Variants in RNF38 observed in about 807,000 individuals in gnomAD.
RNF38 encodes the protein E3 ubiquitin-protein ligase RNF38.
In RNF38, 15 loss-of-function variants were observed where a neutral mutation model predicts 67.2. That is an observed-to-expected ratio of 0.22 (90% confidence interval 0.15 to 0.34). RNF38 has a LOEUF of 0.34. Ranked by LOEUF, RNF38 falls within the 10% of genes least tolerant of loss-of-function variation. RNF38 has a pLI of 1.00. For synonymous variants in RNF38, 220 were observed against 218.8 expected, an observed-to-expected ratio of 1.01 and a Z score of -0.05; for missense variants, 524 against 639.9, an observed-to-expected ratio of 0.82 and a Z score of 1.95.
At chr9:36,373,162 G>A (rs547556006) in intron 3 of RNF38, among the ~76,000 whole-genome samples, 37 of 152,188 alleles carry the variant, frequency 2.4e-4, no homozygotes, top group Admixed American at 3.3e-4. Flanking sequence ...AGCCGAGATC[G>A]CACCATTGCA....
At chr9:36,397,604 T>C (rs1837638644) in intron 1 of RNF38, among the ~76,000 whole-genome samples, 1 of 151,988 alleles carries the variant, frequency 6.6e-6, no homozygotes, top group African/African-American at 2.4e-5. Flanking sequence ...AAATAGGGTG[T>C]GTGAAAACAG....
intron 2 of RNF38, among the ~76,000 whole-genome samples, chr9:36,415,972 C>G (rs956564154): frequency 6.6e-6 from 1 of 151,852 alleles, no homozygotes; most frequent in Non-Finnish European, 1.5e-5. Flanking sequence ...AATACAACAT[C>G]GACTGCAGTA....
At chr9:36,353,387 T>TTAGATAGA (rs2133510815) in intron 6 of RNF38, 56 bp from the exon 7 acceptor site, 1 of 1,209,918 alleles carries the variant, frequency 8.3e-7, no homozygotes, top group Admixed American at 3.2e-5. Flanking sequence ...CTTCCTGTGT[T>TTAGATAGA]TAGATAGATT....
intron 2 of RNF38, among the ~76,000 whole-genome samples, chr9:36,421,454 A>G (rs768969764): frequency 1.1e-4 from 16 of 152,012 alleles, no homozygotes; most frequent in Non-Finnish European, 1.0e-4. Flanking sequence ...ACTTGAGGTC[A>G]GGAGTTTGAG....
chr9:36,385,145 T>A (rs10758373), intron 2 of RNF38, among the ~76,000 whole-genome samples: 81,451 of 150,320 alleles, frequency 0.54, 22,899 homozygotes, highest in Non-Finnish European at 0.65. Context: ...ACCGAAAATT[T>A]AAAAAAAAAA....
chr9:36,368,402 C>T (rs1456839099), intron 4 of RNF38, among the ~76,000 whole-genome samples: 1 of 152,156 alleles, frequency 6.6e-6, no homozygotes, highest in Non-Finnish European at 1.5e-5. Context: ...CACTTTAGCA[C>T]TTACCCTACA....
At chr9:36,419,926 G>T (rs1484511494) in intron 2 of RNF38, among the ~76,000 whole-genome samples, 1 of 152,154 alleles carries the variant, frequency 6.6e-6, no homozygotes, top group Non-Finnish European at 1.5e-5. Flanking sequence ...CAGAATAAAG[G>T]CCTGGGGGCA....
intron 1 of RNF38, among the ~76,000 whole-genome samples, chr9:36,399,196 C>T (rs569025975): frequency 5.8e-4 from 88 of 152,184 alleles, no homozygotes; most frequent in African/African-American, 2.0e-3. Context: ...ACAAGATGGG[C>T]ATATAAAGCC....
At chr9:36,477,167 C>T (rs1840139720) in intron 1 of RNF38, among the ~76,000 whole-genome samples, 1 of 150,844 alleles carries the variant, frequency 6.6e-6, no homozygotes, top group African/African-American at 2.4e-5. Flanking sequence ...ACTAAAAATA[C>T]AAAAAAATTA....
chr9:36,341,212 C>T (rs140153439), intron 11 of RNF38, among the ~76,000 whole-genome samples: 2 of 152,278 alleles, frequency 1.3e-5, no homozygotes, highest in African/African-American at 4.8e-5. Flanking sequence ...AACTATCAGC[C>T]ACACGGAACT....
At chr9:36,422,489 T>C (rs1400336219) in intron 2 of RNF38, among the ~76,000 whole-genome samples, 1 of 152,208 alleles carries the variant, frequency 6.6e-6, no homozygotes, top group Non-Finnish European at 1.5e-5. Context: ...TTTTATCCAC[T>C]TCACTTATTG....
intron 1 of RNF38, among the ~76,000 whole-genome samples, chr9:36,460,751 G>A (rs936093159): frequency 2.0e-5 from 3 of 151,892 alleles, no homozygotes; most frequent in Non-Finnish European, 4.4e-5. Flanking sequence ...GCCAGGCGTG[G>A]TGGCACATGC....
At chr9:36,377,719 G>A (rs1001077378) in intron 2 of RNF38, among the ~76,000 whole-genome samples, 11 of 151,988 alleles carry the variant, frequency 7.2e-5, no homozygotes, top group African/African-American at 1.7e-4. Context: ...AAATGGTGTC[G>A]TATTTGCATA....
chr9:36,423,725 G>A lies in RNF38; in HGVS notation n.312+888C>T, dbSNP rs1293028734. 2.7e-3 allele frequency among the ~76,000 whole-genome samples: 72 copies of A among 26,244 alleles called. 2 individuals carry two copies. The highest frequency in any genetic ancestry group is 5.2e-3 in the Non-Finnish European group (46 of 8,834). 17.2% of individuals were successfully genotyped at this position (26,244 alleles called of 152,430 possible). A position where few individuals can be genotyped will look rare whatever the true frequency, so the allele number is the denominator to read the frequency against. On this transcript the variant is annotated intron_variant and non_coding_transcript_variant, in intron 2 of 3. Coordinates refer to the RNF38 transcript ENST00000488058. ...AGCACTTTGGGAGGCCGAGGCGGGCGGATCACGAGGTCAGGAAATCGAGAC... is the reference window on the plus strand; with the variant it reads ...AGCACTTTGGGAGGCCGAGGCGGGCAGATCACGAGGTCAGGAAATCGAGAC...
upstream of RNF38, among the ~76,000 whole-genome samples, chr9:36,403,706 T>C (rs577071187): frequency 1.3e-5 from 2 of 152,214 alleles, no homozygotes; most frequent in Non-Finnish European, 2.9e-5. Context: ...ATGAGATTGT[T>C]TACTCTGGTG....
chr9:36,486,546 G>T (rs1840415613), intron 1 of RNF38, among the ~76,000 whole-genome samples: 1 of 152,156 alleles, frequency 6.6e-6, no homozygotes, highest in African/African-American at 2.4e-5. Context: ...CACCTTACGG[G>T]CGCCTCCACA....
intron 2 of RNF38, among the ~76,000 whole-genome samples, chr9:36,416,480 T>A (rs894517049): frequency 6.6e-6 from 1 of 152,178 alleles, no homozygotes; most frequent in African/African-American, 2.4e-5. Flanking sequence ...GGCAAGGATT[T>A]CAGGTCTTGC....
intron 1 of RNF38, among the ~76,000 whole-genome samples, chr9:36,440,251 A>G (rs1268235345): frequency 1.3e-5 from 2 of 152,130 alleles, no homozygotes; most frequent in Admixed American, 1.3e-4. Flanking sequence ...GCCTCAAAAA[A>G]AGAAAAAGTG....
chr9:36,481,637 T>C (rs551589624), intron 1 of RNF38, among the ~76,000 whole-genome samples: 2 of 152,114 alleles, frequency 1.3e-5, no homozygotes, highest in Non-Finnish European at 2.9e-5. Flanking sequence ...CCCTCAATCA[T>C]GTTTAAAAAT....
Sources: allele counts gnomAD v4.1 joint callset (sites outside exome capture counted in the v4.1 genomes callset), GRCh38; gene constraint gnomAD v4.1.1; transcripts MANE v1.5; gene names NCBI Gene and HGNC (gene_info 2026-07-23, HGNC 2026-07-21).